The following NCAM1 variants were observed in gnomAD, a reference collection of about 807,000 sequenced individuals.
NCAM1 encodes antigen recognized by monoclonal antibody 5.1H11.
In NCAM1, 14 loss-of-function variants were observed where a neutral mutation model predicts 109.8. That is an observed-to-expected ratio of 0.13 (90% confidence interval 0.08 to 0.20). NCAM1 has a LOEUF of 0.20. Among genes scored for constraint, NCAM1 ranks in the 10% least tolerant of loss-of-function variants. The pLI is 1.00. For synonymous variants in NCAM1, 418 were observed against 442.9 expected, an observed-to-expected ratio of 0.94 and a Z score of 0.70; for missense variants, 774 against 1,109.9, an observed-to-expected ratio of 0.70 and a Z score of 4.30.
rs1465915937 is a variant in NCAM1 at position 113,009,318 on chromosome 11, T to TTGTTGTTG, written c.52+47655_52+47656insGTTGTTGT. Among the ~76,000 whole-genome samples, 110 of 104,320 alleles carry TTGTTGTTG rather than the reference T, an allele frequency of 1.1e-3. 2 individuals carry two copies. The highest frequency in any genetic ancestry group is 3.9e-3 in the Middle Eastern group (1 of 254). 68.4% of individuals were successfully genotyped at this position (104,320 alleles called of 152,430 possible). A position where few individuals can be genotyped will look rare whatever the true frequency, so the allele number is the denominator to read the frequency against. ...ATTGGAAGGGTTTTTTCGGGTTTTT[T>TTGTTGTTG]TTTTTTTTTTTTTTTTTTTTTTTAT... On this transcript the variant is annotated intron_variant, in intron 1 of 19. Transcript: ENST00000316851.
chr11:113,175,890 T>C (rs192177617), intron 1 of NCAM1, among the ~76,000 whole-genome samples: 278 of 152,072 alleles, frequency 1.8e-3, no homozygotes, highest in African/African-American at 6.4e-3. Context: ...AAGCAAGAAG[T>C]TGATGAGAGG....
chr11:113,231,241 G>A lies in NCAM1; in HGVS notation c.1090-404G>A, dbSNP rs549784673. On this transcript the variant is annotated intron_variant, in intron 9 of 19. Coordinates refer to ENST00000316851, the MANE Select transcript of NCAM1 (RefSeq NM_181351.5). ...GCAAGTGGGCAGACAGAAAGGACAGGCTGGCAGTGCAGGTTTCCCAGGATC... is the reference window on the plus strand; with the variant it reads ...GCAAGTGGGCAGACAGAAAGGACAGACTGGCAGTGCAGGTTTCCCAGGATC... The A allele has an allele frequency of 4.6e-6, 7 of 1,536,142 alleles. No individual in the cohort carries two copies. The South Asian group carries it at 5.9e-5, about 13-fold the overall frequency.
intron 9 of NCAM1, among the ~76,000 whole-genome samples, chr11:113,224,730 CA>C (rs1285778957): frequency 6.6e-6 from 1 of 152,190 alleles, no homozygotes; most frequent in African/African-American, 2.4e-5. Context: ...CCCTCTGAGA[CA>C]AAATTTCCAG....
chr11:113,153,437 G>T (rs994033239), intron 1 of NCAM1, among the ~76,000 whole-genome samples: 1 of 148,568 alleles, frequency 6.7e-6, no homozygotes, highest in Non-Finnish European at 1.5e-5. Context: ...GGGAGGGGGG[G>T]CACAGAGACA....
At chr11:112,977,099 T>C (rs963068849) in intron 1 of NCAM1, among the ~76,000 whole-genome samples, 1 of 101,444 alleles carries the variant, frequency 9.9e-6, no homozygotes, top group Admixed American at 1.2e-4. Context: ...ATAAGTTTGC[T>C]TTTTCTTGGA....
At chr11:113,099,981 C>T (rs1296255797) in intron 1 of NCAM1, among the ~76,000 whole-genome samples, 2 of 152,218 alleles carry the variant, frequency 1.3e-5, no homozygotes, top group South Asian at 4.1e-4. Flanking sequence ...CCACCGCTCC[C>T]AGCCCCAGGG....
chr11:113,212,255 A>G (rs1250889648), intron 7 of NCAM1, among the ~76,000 whole-genome samples: 2 of 152,232 alleles, frequency 1.3e-5, no homozygotes, highest in Non-Finnish European at 2.9e-5. Context: ...TACTGCTTCT[A>G]GAGTAATAGA....
At chr11:112,976,123 A>T (rs1555067643) in intron 1 of NCAM1, among the ~76,000 whole-genome samples, 1 of 151,990 alleles carries the variant, frequency 6.6e-6, no homozygotes, top group African/African-American at 2.4e-5. Context: ...TTATTTAGTC[A>T]CAATAATAAA....
At chr11:113,094,049 A>G (rs2135790821) in intron 1 of NCAM1, among the ~76,000 whole-genome samples, 1 of 152,310 alleles carries the variant, frequency 6.6e-6, no homozygotes, top group South Asian at 2.1e-4. Context: ...TCAATAGCAG[A>G]TAAGTGGTAT....
chr11:112,979,705 C>A (rs563161218), intron 1 of NCAM1, among the ~76,000 whole-genome samples: 1 of 151,732 alleles, frequency 6.6e-6, no homozygotes, highest in African/African-American at 2.4e-5. Flanking sequence ...TTGAGTGACT[C>A]CATTTTGGTT....
At chr11:113,103,410 G>C (rs1188210911) in intron 1 of NCAM1, among the ~76,000 whole-genome samples, 1 of 152,170 alleles carries the variant, frequency 6.6e-6, no homozygotes, top group Non-Finnish European at 1.5e-5. Flanking sequence ...CAGCTAATGT[G>C]TCCTTGTGTT....
At chr11:113,127,703 CA>C (rs1231335108) in intron 1 of NCAM1, among the ~76,000 whole-genome samples, 3 of 152,132 alleles carry the variant, frequency 2.0e-5, no homozygotes, top group Non-Finnish European at 4.4e-5. Context: ...GGAATTATAA[CA>C]ATAAAAAGCT....
chr11:113,009,561 C>A (rs1301882937), intron 1 of NCAM1, among the ~76,000 whole-genome samples: 1 of 151,942 alleles, frequency 6.6e-6, no homozygotes, highest in Non-Finnish European at 1.5e-5. Flanking sequence ...TTTAAACAGT[C>A]TCTGTATGTG....
intron 1 of NCAM1, among the ~76,000 whole-genome samples, chr11:112,981,702 G>A (rs536019381): frequency 2.0e-5 from 3 of 151,922 alleles, no homozygotes; most frequent in East Asian, 3.9e-4. Flanking sequence ...ACTTAGAGTA[G>A]GCATGCAGAG....
intron 1 of NCAM1, among the ~76,000 whole-genome samples, chr11:113,032,582 G>C (rs530909885): frequency 4.0e-4 from 61 of 152,298 alleles, no homozygotes; most frequent in Non-Finnish European, 7.6e-4. Context: ...CTTTTCCTAT[G>C]TGCCCAGGCA....
At position 113,190,040 on chromosome 11, in the gene NCAM1, G is replaced by T. The variant is rs184731128; in HGVS notation, c.53-12339G>T. Among the ~76,000 whole-genome samples the T allele has an allele frequency of 2.1e-3, 315 of 152,206 alleles. 4 individuals carry two copies. The highest frequency in any genetic ancestry group is 1.8e-4 in the Non-Finnish European group (12 of 68,008). On this transcript the variant is annotated intron_variant, in intron 1 of 19. Transcript: ENST00000316851. Reference sequence around the variant, plus strand: ...CCCAGTGACCAAGTTTGTGTGTTTGGTCGTGTTCCCCCAACCTCACTACTC... The same window carrying T: ...CCCAGTGACCAAGTTTGTGTGTTTGTTCGTGTTCCCCCAACCTCACTACTC...
At chr11:113,052,464 C>A (rs979719336) in intron 1 of NCAM1, among the ~76,000 whole-genome samples, 1 of 152,040 alleles carries the variant, frequency 6.6e-6, no homozygotes, top group Admixed American at 6.6e-5. Context: ...GCACCTCCAC[C>A]CCTCTAGAGA....
intron 1 of NCAM1, among the ~76,000 whole-genome samples, chr11:113,185,956 C>T (rs1015370261): frequency 2.6e-5 from 4 of 152,180 alleles, no homozygotes; most frequent in African/African-American, 9.7e-5. Flanking sequence ...ATAACCTGCC[C>T]CTGGTCCAGA....
chr11:113,067,933 C>T lies in NCAM1; in HGVS notation c.52+106269C>T, dbSNP rs562564673. ...TTTTTTTTTTTTTTTTTTTTTGAGA[C>T]GGAGTCTCGCTCTGTCACCCAGGCT... On this transcript the variant is annotated intron_variant, in intron 1 of 19. Transcript: ENST00000316851. Among the ~76,000 whole-genome samples, 88 of 123,926 alleles carry T rather than the reference C, an allele frequency of 7.1e-4. 1 individual carries two copies. Among genetic ancestry groups the T allele is most frequent in the South Asian group, 6.5e-3 (25 of 3,824 alleles). 81.3% of individuals were successfully genotyped at this position (123,926 alleles called of 152,430 possible).
Sources: allele counts gnomAD v4.1 joint callset (sites outside exome capture counted in the v4.1 genomes callset), GRCh38; gene constraint gnomAD v4.1.1; transcripts MANE v1.5; gene names NCBI Gene and HGNC (gene_info 2026-07-23, HGNC 2026-07-21).